CLASP1: variants seen among roughly 807,000 people sequenced by gnomAD.
CLASP1 encodes the protein CLIP-associating protein 1.
Under a neutral mutation model 192.3 loss-of-function variants are expected in CLASP1, and 38 were observed. The observed-to-expected ratio is 0.20, with a 90% CI of 0.15 to 0.26. The LOEUF (loss-of-function observed/expected upper bound fraction) is 0.26, where lower values mean the gene tolerates loss of function less well. Ranked by LOEUF, CLASP1 falls within the 10% of genes least tolerant of loss-of-function variation. CLASP1 has a pLI of 1.00. For missense variants in CLASP1, 1,433 were observed against 1,932.5 expected (o/e 0.74, Z 4.85); for synonymous variants, 691 against 712.8 (o/e 0.97, Z 0.49).
chr2:121,408,438 T>C (rs2077221631), intron 24 of CLASP1, among the ~76,000 whole-genome samples: 1 of 152,212 alleles, frequency 6.6e-6, no homozygotes, highest in Non-Finnish European at 1.5e-5. Flanking sequence ...TCTCTGACCC[T>C]GAATACAAAA....
chr2:121,449,978 A>G (rs573104564), intron 16 of CLASP1, among the ~76,000 whole-genome samples: 29 of 152,310 alleles, frequency 1.9e-4, no homozygotes, highest in African/African-American at 6.7e-4. Context: ...TTATCAATGC[A>G]CTGCCCAAGA....
intron 21 of CLASP1, among the ~76,000 whole-genome samples, 177 bp downstream of exon 21, chr2:121,427,227 T>C (rs892895340): frequency 6.6e-6 from 1 of 152,180 alleles, no homozygotes; most frequent in Non-Finnish European, 1.5e-5. Context: ...TATTAAACTA[T>C]GTATAAAGGG....
In CLASP1 at chr2:121,522,946, T is replaced by C. The variant is rs114345330; in HGVS notation, c.546+2899A>G. On this transcript the variant is annotated intron_variant, in intron 6 of 39. Coordinates refer to ENST00000263710, the Ensembl canonical transcript of CLASP1. ...CCATCTCAGATGATGAGGAGACTAC[T>C]GAGTAACTTGGCCTTCTGAGAGTCT... is the stretch of plus-strand genomic sequence containing the variant. Among the ~76,000 whole-genome samples the C allele has an allele frequency of 4.9e-3, 749 of 152,338 alleles. 9 individuals are homozygous for C. The highest frequency in any genetic ancestry group is 0.017 in the African/African-American group (726 of 41,584).
intron 30 of CLASP1, among the ~76,000 whole-genome samples, chr2:121,389,849 A>T (rs1379768923): frequency 6.6e-6 from 1 of 152,204 alleles, no homozygotes; most frequent in Non-Finnish European, 1.5e-5. Flanking sequence ...GGTAGAAAGT[A>T]TCATTTAAAT....
intron 9 of CLASP1, among the ~76,000 whole-genome samples, chr2:121,465,509 T>G (rs1388041686): frequency 2.0e-5 from 3 of 151,974 alleles, no homozygotes; most frequent in Admixed American, 6.6e-5. Context: ...CACTGCTCAA[T>G]GAAATAAAAG....
rs571718582 is a variant in CLASP1 at position 121,365,299 on chromosome 2, C to G, written c.3887-15G>C. ...GTCGATGGGCACTGGTGAAACACAC[C>G]AGACATACGTCACCTCGTGAGGAAA... On this transcript the variant is annotated splice_polypyrimidine_tract_variant and intron_variant, in intron 35 of 39. Coordinates refer to ENST00000263710, the Ensembl canonical transcript of CLASP1. The G allele has an allele frequency of 6.2e-7, 1 of 1,607,314 alleles. No homozygotes were observed. Among genetic ancestry groups the G allele is most frequent in the South Asian group, 1.1e-5 (1 of 89,954 alleles).
intron 8 of CLASP1, among the ~76,000 whole-genome samples, chr2:121,495,386 C>T (rs1053479446): frequency 2.6e-5 from 4 of 151,856 alleles, no homozygotes; most frequent in African/African-American, 9.7e-5. Flanking sequence ...AATGGCTGGG[C>T]GCGGTGGCTC....
chr2:121,482,620 G>T (rs1252414648), intron 8 of CLASP1, among the ~76,000 whole-genome samples: 3 of 152,132 alleles, frequency 2.0e-5, no homozygotes, highest in African/African-American at 7.2e-5. Flanking sequence ...GCACCCTAGG[G>T]GGTGAATTAG....
In CLASP1 at chr2:121,503,107, C is replaced by A; in HGVS notation, c.712+60G>T. 3 of 1,062,276 alleles carry A rather than the reference C, an allele frequency of 2.8e-6. No homozygotes were observed. The East Asian group carries it at 7.8e-5, about 28-fold the overall frequency. 65.8% of individuals were successfully genotyped at this position (1,062,276 alleles called of 1,614,324 possible). On this transcript the variant is annotated intron_variant, in intron 8 of 39. Coordinates refer to ENST00000263710, the Ensembl canonical transcript of CLASP1. ...ACCTAATTCAGCTCTTCACATATAA[C>A]ATAAATGATGCGAATGTAAAACTGA...
intron 22 of CLASP1, among the ~76,000 whole-genome samples, chr2:121,423,567 T>C (rs973025419): frequency 5.3e-5 from 8 of 152,286 alleles, no homozygotes; most frequent in African/African-American, 1.9e-4. Flanking sequence ...AGACATCCTA[T>C]AAACTTAAAC....
chr2:121,449,832 G>C (rs2085076400), intron 16 of CLASP1, among the ~76,000 whole-genome samples: 1 of 152,142 alleles, frequency 6.6e-6, no homozygotes, highest in Admixed American at 6.5e-5. Context: ...TACTAGATCA[G>C]GATGTATTAA....
chr2:121,585,359 C>G (rs1336851677), intron 2 of CLASP1, among the ~76,000 whole-genome samples: 1 of 152,084 alleles, frequency 6.6e-6, no homozygotes, highest in Admixed American at 6.6e-5. Flanking sequence ...TTACAAAAAA[C>G]AACAGATGGA....
chr2:121,531,137 A>G (rs552492132), intron 2 of CLASP1: 41 of 617,370 alleles, frequency 6.6e-5, no homozygotes, highest in South Asian at 6.5e-4. Context: ...AAGTTCTTTC[A>G]GTTTTTGCGG....
chr2:121,460,116 T>C, exon 12 of CLASP1: 3 of 1,611,564 alleles, frequency 1.9e-6, no homozygotes, highest in Non-Finnish European at 2.5e-6. Flanking sequence ...AAAGATCTAA[T>C]CTTTTTTAGC....
chr2:121,497,212 C>A (rs2093569850), intron 8 of CLASP1, among the ~76,000 whole-genome samples: 2 of 152,104 alleles, frequency 1.3e-5, no homozygotes, highest in Admixed American at 1.3e-4. Context: ...GAGTTAAACT[C>A]CATATGAATC....
At chr2:121,391,961 A>AT (rs1375626773) in intron 30 of CLASP1, among the ~76,000 whole-genome samples, 1 of 152,246 alleles carries the variant, frequency 6.6e-6, no homozygotes, top group Non-Finnish European at 1.5e-5. Context: ...AGATCCAGCT[A>AT]TTTGATAGTA....
chr2:121,534,529 TTTG>T (rs879541344), intron 2 of CLASP1, among the ~76,000 whole-genome samples: 44 of 152,110 alleles, frequency 2.9e-4, no homozygotes, highest in Non-Finnish European at 4.9e-4. Context: ...AAAATTTTCT[TTTG>T]TTGTTGTTGT....
chr2:121,367,865 G>T, intron 34 of CLASP1, 34 bp from the exon 36 acceptor site: 2 of 1,604,548 alleles, frequency 1.2e-6, no homozygotes, highest in South Asian at 1.1e-5. Context: ...TCCCTTCTGG[G>T]ACTTGTAATG....
intron 8 of CLASP1, among the ~76,000 whole-genome samples, chr2:121,499,632 T>C (rs2093664470): frequency 6.6e-6 from 1 of 152,090 alleles, no homozygotes; most frequent in Non-Finnish European, 1.5e-5. Context: ...TGTATCTCAA[T>C]TTTTAAAATA....
Sources: allele counts gnomAD v4.1 joint callset (sites outside exome capture counted in the v4.1 genomes callset), GRCh38; gene constraint gnomAD v4.1.1; transcripts MANE v1.5; gene names NCBI Gene and HGNC (gene_info 2026-07-23, HGNC 2026-07-21).